Variants in GTPBP10 observed in about 807,000 individuals in gnomAD.
The protein encoded by GTPBP10 is GTP-binding protein 10.
A neutral mutation model predicts 44.8 loss-of-function variants in GTPBP10; 38 were observed. That is an observed-to-expected ratio of 0.85 (90% CI 0.65 to 1.11). The LOEUF (loss-of-function observed/expected upper bound fraction) is 1.11, where lower values mean the gene tolerates loss of function less well. Among genes scored for constraint, GTPBP10 ranks in the 50% most tolerant of loss-of-function variants. The probability of loss-of-function intolerance (pLI) is 0.00; values close to 1 mark genes in which losing one functional copy is unlikely to be tolerated. For synonymous variants in GTPBP10, 152 were observed against 150.6 expected (o/e 1.01, Z -0.07); for missense variants, 462 against 453.7 (o/e 1.02, Z -0.17).
rs778015258 is a variant in GTPBP10, at chr7:90,384,910, A to G, written c.920A>G (p.Glu307Gly). ...CTTTTAGATTTTCTGCATTTATTTG[A>G]AAAAAACATGATTCCAGAGAGGACT... ...QNPKDFLHLFEKNMIPERTVE... is the reference protein window; with the variant it reads ...QNPKDFLHLFGKNMIPERTVE... The change falls in exon 10 of 10, where the codon GAA becomes GGA. Residue 307 changes from glutamate (E) to glycine (G), a missense_variant. Coordinates refer to ENST00000222511, the MANE Select transcript of GTPBP10 (RefSeq NM_033107.4). 1.3e-6 allele frequency: 2 copies of G among 1,586,802 alleles called. No homozygotes were observed. The highest frequency in any genetic ancestry group is 2.3e-5 in the South Asian group (2 of 85,492).
intron 8 of GTPBP10, among the ~76,000 whole-genome samples, chr7:90,381,593 G>A (rs1315277151): frequency 6.6e-6 from 1 of 152,134 alleles, no homozygotes; most frequent in Non-Finnish European, 1.5e-5. Context: ...AAAAGACCCT[G>A]AATAGCCAAA....
At chr7:90,372,019 A>G in intron 4 of GTPBP10, 136 bp from the exon 5 acceptor site, 1 of 542,146 alleles carries the variant, frequency 1.8e-6, no homozygotes, top group South Asian at 2.8e-5. Flanking sequence ...TATGTTCTCA[A>G]GTTTTTCAAG....
chr7:90,351,052 C>T (rs42654), intron 1 of GTPBP10, among the ~76,000 whole-genome samples: 137,346 of 152,274 alleles, frequency 0.9, 62,218 homozygotes, highest in East Asian at 1. Context: ...CATGGGGAGA[C>T]GATTAGCATC....
intron 4 of GTPBP10, among the ~76,000 whole-genome samples, chr7:90,370,539 C>T (rs527462966): frequency 9.9e-5 from 15 of 151,728 alleles, no homozygotes; most frequent in Admixed American, 3.3e-4. Context: ...ATTGGAGACT[C>T]GGAGGGAGGA....
rs535037295 is a variant in GTPBP10, at chr7:90,386,914, C to T, written c.*1760C>T. 2.2e-4 allele frequency: 33 copies of T among 152,128 alleles called. No individual in the cohort carries two copies. The highest frequency in any genetic ancestry group is 3.4e-3 in the Middle Eastern group (1 of 294). The allele number at this position is 152,128 out of a possible 1,614,324, so 9.4% of individuals were successfully genotyped here. On this transcript the variant is annotated 3_prime_UTR_variant, in exon 10 of 10. Coordinates refer to ENST00000222511, the MANE Select transcript of GTPBP10 (RefSeq NM_033107.4). ...TCTGCATTAGGCCCCTCAGTTCTTC[C>T]CAGGGAAAATGATTAATAGTTTACA...
At chr7:90,350,719 T>C (rs1480533072) in intron 1 of GTPBP10, among the ~76,000 whole-genome samples, 1 of 152,256 alleles carries the variant, frequency 6.6e-6, no homozygotes, top group African/African-American at 2.4e-5. Flanking sequence ...TTCACACCTT[T>C]TGGCATAGCT....
chr7:90,352,868 G>C lies in GTPBP10; in HGVS notation c.86G>C (p.Gly29Ala). 2 of 1,613,862 alleles carry C rather than the reference G, an allele frequency of 1.2e-6. No individual in the cohort carries two copies. The highest frequency in any genetic ancestry group is 1.1e-5 in the South Asian group (1 of 91,050). The change falls in exon 2 of 10, where the codon GGA (glycine) becomes GCA (alanine). Residue 29 changes from glycine to alanine, a missense_variant. Physicochemically the swap from Gly to Ala is moderately conservative, Grantham distance 60 (BLOSUM62 0). Coordinates refer to ENST00000222511, the MANE Select transcript of GTPBP10 (RefSeq NM_033107.4). ...LRLFTRGGSGGMGYPRLGGEG... is the reference protein window; with the variant it reads ...LRLFTRGGSGAMGYPRLGGEG... ...CTCTTCACCAGGGGAGGATCCGGTG[G>C]AATGGGTTATCCTCGTTTAGGTGGA...
Position 90,389,042 on chromosome 7 carries a change from C to G in GTPBP10, c.*3888C>G, listed in dbSNP as rs926527056. 1 of 152,056 alleles carries G rather than the reference C, an allele frequency of 6.6e-6. No homozygotes were observed. The highest frequency in any genetic ancestry group is 1.5e-5 in the Non-Finnish European group (1 of 67,978). The allele number at this position is 152,056 out of a possible 1,614,324, so 9.4% of individuals were successfully genotyped here. ...ACAAAAGATAAAAGATATCTTATTGCAAAAATAGGGCAACATTTTGTTTTA... is the reference window on the plus strand; with the variant it reads ...ACAAAAGATAAAAGATATCTTATTGGAAAAATAGGGCAACATTTTGTTTTA... On this transcript the variant is annotated 3_prime_UTR_variant, in exon 10 of 10. Transcript: ENST00000222511.
chr7:90,353,170 ATAC>A (rs1795827260), intron 2 of GTPBP10, 161 bp downstream of exon 2: 4 of 469,744 alleles, frequency 8.5e-6, no homozygotes, highest in Non-Finnish European at 1.5e-5. Context: ...TAAAAGACTG[ATAC>A]TAAAGAATAT....
At chr7:90,349,557 A>G (rs912175411) in intron 1 of GTPBP10, among the ~76,000 whole-genome samples, 1 of 152,200 alleles carries the variant, frequency 6.6e-6, no homozygotes, top group Non-Finnish European at 1.5e-5. Flanking sequence ...AGGCCTTCTT[A>G]TCCAACAAAG....
chr7:90,383,028 G>A lies in GTPBP10; in HGVS notation c.850G>A (p.Asp284Asn). The change falls in exon 9 of 10, where the codon GAT becomes AAT. Residue 284 changes from aspartate to asparagine, a missense_variant. Coordinates refer to ENST00000222511, the MANE Select transcript of GTPBP10 (RefSeq NM_033107.4). ...GGCAGTTAATAAAATGGACTTGCCAGATGCCCAAGATAAGTTCCATGAATT... is the reference window on the plus strand; with the variant it reads ...GGCAGTTAATAAAATGGACTTGCCAAATGCCCAAGATAAGTTCCATGAATT... ...LLAVNKMDLP[D>N]AQDKFHELMS... The A allele has an allele frequency of 1.3e-6, 2 of 1,597,724 alleles. No individual in the cohort carries two copies. Among genetic ancestry groups the A allele is most frequent in the Non-Finnish European group, 1.7e-6 (2 of 1,169,542 alleles).
chr7:90,354,322 C>G, intron 2 of GTPBP10, 136 bp from the exon 3 acceptor site: 1 of 412,138 alleles, frequency 2.4e-6, no homozygotes, highest in Non-Finnish European at 4.3e-6. Context: ...TTTTAAACCC[C>G]GTGTTTGACC....
chr7:90,349,797 T>C lies in GTPBP10; in HGVS notation c.34-3019T>C, dbSNP rs1379774897. On this transcript the variant is annotated intron_variant, in intron 1 of 9. Coordinates refer to ENST00000222511, the MANE Select transcript of GTPBP10 (RefSeq NM_033107.4). ...AGCATTAACAACCTGATTTGGGAGA[T>C]ATTCTTTCGTCTCAGTGATTTTCTT... 2.0e-5 allele frequency among the ~76,000 whole-genome samples: 3 copies of C among 152,156 alleles called. No homozygotes were observed. The East Asian group carries it at 5.8e-4, about 29-fold the overall frequency.
chr7:90,361,096 T>C (rs1369204817), intron 4 of GTPBP10, among the ~76,000 whole-genome samples: 1 of 152,204 alleles, frequency 6.6e-6, no homozygotes, highest in Non-Finnish European at 1.5e-5. Flanking sequence ...CAATTTGACT[T>C]CCTCTTTTCC....
intron 4 of GTPBP10, among the ~76,000 whole-genome samples, chr7:90,367,328 C>T (rs373614032): frequency 2.6e-5 from 4 of 152,128 alleles, no homozygotes; most frequent in Non-Finnish European, 4.4e-5. Context: ...AGTTCAAGTC[C>T]TTGATATCCT....
chr7:90,367,565 G>A (rs1796159638), intron 4 of GTPBP10, among the ~76,000 whole-genome samples: 1 of 152,042 alleles, frequency 6.6e-6, no homozygotes, highest in African/African-American at 2.4e-5. Context: ...GATCTTTGTT[G>A]GTTTAAAGTC....
Position 90,354,322 on chromosome 7 carries a change from C to T in GTPBP10, c.228-136C>T, listed in dbSNP as rs147772939. The T allele has an allele frequency of 1.1e-3, 445 of 412,140 alleles. 1 individual carries two copies. The highest frequency in any genetic ancestry group is 7.6e-3 in the African/African-American group (367 of 48,526). The allele number at this position is 412,140 out of a possible 1,614,324, so 25.5% of individuals were successfully genotyped here. A position where few individuals can be genotyped will look rare whatever the true frequency, so the allele number is the denominator to read the frequency against. On this transcript the variant is annotated intron_variant, in intron 2 of 9. Transcript: ENST00000222511. ...GGATAATTTTAGTTTTTTTAAACCC[C>T]GTGTTTGACCATTTAACATCTGCGT...
chr7:90,364,841 C>T (rs1231664008), intron 4 of GTPBP10, among the ~76,000 whole-genome samples: 13 of 152,266 alleles, frequency 8.5e-5, no homozygotes, highest in East Asian at 7.7e-4. Context: ...ACCCCTCCCC[C>T]GCCAGCCTCA....
chr7:90,355,277 T>TCTC (rs1490609481), intron 4 of GTPBP10, 47 bp downstream of exon 4: 1 of 1,194,518 alleles, frequency 8.4e-7, no homozygotes, highest in Non-Finnish European at 1.1e-6. Context: ...GAGAGAGAGT[T>TCTC]CTTGAATAGA....
Sources: allele counts gnomAD v4.1 joint callset (sites outside exome capture counted in the v4.1 genomes callset), GRCh38; gene constraint gnomAD v4.1.1; transcripts MANE v1.5; gene names NCBI Gene and HGNC (gene_info 2026-07-23, HGNC 2026-07-21).